The following C6 variants were observed in gnomAD, a reference collection of about 807,000 sequenced individuals.
C6 encodes complement C6.
In C6, 101 loss-of-function variants were observed where a neutral mutation model predicts 112.9. The ratio of observed to expected loss-of-function variants is 0.89; its 90% CI spans 0.76 to 1.06. The LOEUF (loss-of-function observed/expected upper bound fraction) is 1.06. C6 is among the 50% of genes least tolerant of loss of function. C6 has a pLI of 0.00. For synonymous variants in C6, 431 were observed against 384.1 expected (o/e 1.12, Z -1.43); for missense variants, 1,202 against 1,104.6 (o/e 1.09, Z -1.25).
intron 5 of C6, among the ~76,000 whole-genome samples, chr5:41,194,750 C>T (rs1179108157): frequency 2.0e-5 from 3 of 152,038 alleles, no homozygotes; most frequent in Non-Finnish European, 4.4e-5. Context: ...AATTAAGGCT[C>T]AGTTTTTCTG....
intron 9 of C6, among the ~76,000 whole-genome samples, chr5:41,162,148 G>A (rs1747578603): frequency 6.6e-6 from 1 of 152,174 alleles, no homozygotes; most frequent in Admixed American, 6.5e-5. Flanking sequence ...TGAGAAGTAG[G>A]TATTATTATA....
At chr5:41,229,317 T>C (rs751486872) in intron 1 of C6, among the ~76,000 whole-genome samples, 1 of 151,074 alleles carries the variant, frequency 6.6e-6, no homozygotes, top group Non-Finnish European at 1.5e-5. Context: ...TTTATCTCTA[T>C]AAACTTCATT....
At chr5:41,200,634 G>A (rs1243820149) in intron 3 of C6, among the ~76,000 whole-genome samples, 1 of 152,140 alleles carries the variant, frequency 6.6e-6, no homozygotes, top group Non-Finnish European at 1.5e-5. Flanking sequence ...TTCCACAAAT[G>A]AGTTTCTTTT....
intron 9 of C6, among the ~76,000 whole-genome samples, chr5:41,163,685 T>C (rs142551746): frequency 8.2e-4 from 125 of 152,300 alleles, no homozygotes; most frequent in African/African-American, 3.0e-3. Flanking sequence ...TATATGCTAT[T>C]TAAAAAACAA....
At chr5:41,166,146 A>G (rs1747955468) in intron 9 of C6, among the ~76,000 whole-genome samples, 1 of 152,130 alleles carries the variant, frequency 6.6e-6, no homozygotes, top group Admixed American at 6.6e-5. Context: ...TTTTCAATTT[A>G]AAGATGGAAC....
intron 3 of C6, among the ~76,000 whole-genome samples, chr5:41,200,885 G>GTTT (rs1750964706): frequency 1.5e-5 from 1 of 67,118 alleles, no homozygotes; most frequent in Admixed American, 2.0e-4. Flanking sequence ...TGTTGTTGTT[G>GTTT]TTGTTGTTTT....
At chr5:41,241,360 C>G (rs539352747) in intron 1 of C6, among the ~76,000 whole-genome samples, 1 of 152,140 alleles carries the variant, frequency 6.6e-6, no homozygotes, top group African/African-American at 2.4e-5. Context: ...TATAAGCTGG[C>G]GCTAGCACAC....
chr5:41,225,550 C>A (rs1171809746), intron 1 of C6, among the ~76,000 whole-genome samples: 1 of 152,140 alleles, frequency 6.6e-6, no homozygotes, highest in Non-Finnish European at 1.5e-5. Context: ...GTCTTTATAG[C>A]AGCATGATTT....
chr5:41,162,909 A>G (rs1747655089), intron 9 of C6, among the ~76,000 whole-genome samples: 1 of 152,200 alleles, frequency 6.6e-6, no homozygotes, highest in South Asian at 2.1e-4. Context: ...AGTAGAAGCC[A>G]AATTAGAGTT....
intron 1 of C6, among the ~76,000 whole-genome samples, chr5:41,219,310 G>C (rs1739023258): frequency 6.6e-6 from 1 of 152,142 alleles, no homozygotes; most frequent in Non-Finnish European, 1.5e-5. Context: ...CTTTTAGGTA[G>C]GGTCATCTAG....
intron 9 of C6, among the ~76,000 whole-genome samples, chr5:41,164,249 A>G (rs1747790243): frequency 6.6e-6 from 1 of 152,216 alleles, no homozygotes; most frequent in African/African-American, 2.4e-5. Context: ...AAATGAAATA[A>G]TTCTGTCATC....
chr5:41,157,484 T>G (rs1747027015), intron 13 of C6, among the ~76,000 whole-genome samples: 1 of 152,234 alleles, frequency 6.6e-6, no homozygotes, highest in South Asian at 2.1e-4. Flanking sequence ...AATTACTCAC[T>G]TCTGCCATTA....
intron 15 of C6, among the ~76,000 whole-genome samples, chr5:41,151,415 C>T (rs1459546002): frequency 1.3e-5 from 2 of 151,966 alleles, no homozygotes; most frequent in Non-Finnish European, 2.9e-5. Context: ...TAGTGCCTTA[C>T]CTGAAATAGA....
At chr5:41,179,757 G>A (rs2150318985) in intron 7 of C6, among the ~76,000 whole-genome samples, 1 of 149,992 alleles carries the variant, frequency 6.7e-6, no homozygotes, top group Non-Finnish European at 1.5e-5. Context: ...ATTTTTACAT[G>A]TCTGTGTCAC....
intron 1 of C6, among the ~76,000 whole-genome samples, chr5:41,210,422 G>A (rs532773258): frequency 6.6e-6 from 1 of 152,288 alleles, no homozygotes; most frequent in African/African-American, 2.4e-5. Flanking sequence ...CCATCAGAGT[G>A]AACAGGCAAC....
At chr5:41,204,317 A>G (rs747016578) in intron 1 of C6, among the ~76,000 whole-genome samples, 18 of 152,240 alleles carry the variant, frequency 1.2e-4, no homozygotes, top group Non-Finnish European at 2.1e-4. Context: ...AATTATTGGC[A>G]TAGAATCATC....
At chr5:41,208,518 A>G (rs923509661) in intron 1 of C6, among the ~76,000 whole-genome samples, 5 of 152,236 alleles carry the variant, frequency 3.3e-5, no homozygotes, top group Admixed American at 3.3e-4. Flanking sequence ...AATAGACACA[A>G]TAAAAAATGA....
At chr5:41,154,108 T>G (rs1265189464) in intron 14 of C6, 110 bp from the exon 15 acceptor site, 20 of 899,498 alleles carry the variant, frequency 2.2e-5, no homozygotes, top group Non-Finnish European at 3.6e-5. Context: ...ACTGCATCTG[T>G]TCAGCTTTGG....
At position 41,155,031 on chromosome 5, in the gene C6, T is replaced by C. The variant is rs149527789; in HGVS notation, c.2042A>G (p.Tyr681Cys). ...SCLTGFETVG[Y>C]QYFRCLPDGT... ...GTCTGGTAAGCATCTGAAGTACTGG[T>C]ATCCAACAGTTTCAAAGCCAGTAAG... Residue 681 changes from tyrosine to cysteine, a missense_variant, in exon 14 of 18, where the codon TAC (tyrosine) becomes TGC (cysteine). Transcript: ENST00000337836. The C allele has an allele frequency of 6.2e-7, 1 of 1,613,372 alleles. No homozygotes were observed. The highest frequency in any genetic ancestry group is 1.3e-5 in the African/African-American group (1 of 74,918).
Sources: allele counts gnomAD v4.1 joint callset (sites outside exome capture counted in the v4.1 genomes callset), GRCh38; gene constraint gnomAD v4.1.1; transcripts MANE v1.5; gene names NCBI Gene and HGNC (gene_info 2026-07-23, HGNC 2026-07-21).